The following NBEAL1 variants were observed in gnomAD, a reference collection of about 807,000 sequenced individuals.
The protein encoded by NBEAL1 is neurobeachin-like protein 1.
A neutral mutation model predicts 351.3 loss-of-function variants in NBEAL1; 273 were observed. The observed-to-expected ratio is 0.78, with a 90% CI of 0.70 to 0.86. The LOEUF is 0.86. Ranked by LOEUF, NBEAL1 falls within the 40% of genes least tolerant of loss-of-function variation. The pLI, the probability that NBEAL1 is intolerant of heterozygous loss-of-function variation, is 0.00. For missense variants in NBEAL1, 2,961 were observed against 3,201.3 expected, an observed-to-expected ratio of 0.92 and a Z score of 1.81; for synonymous variants, 1,050 against 1,086.4, an observed-to-expected ratio of 0.97 and a Z score of 0.66.
At chr2:203,212,665 C>T (rs1451987643) in intron 54 of NBEAL1, among the ~76,000 whole-genome samples, 1 of 148,756 alleles carries the variant, frequency 6.7e-6, no homozygotes, top group African/African-American at 2.5e-5. Context: ...CTGTTGTGAA[C>T]AGTTTAAGAG....
intron 27 of NBEAL1, among the ~76,000 whole-genome samples, chr2:203,134,600 C>A (rs1023804660): frequency 2.0e-5 from 3 of 152,130 alleles, no homozygotes; most frequent in African/African-American, 7.2e-5. Flanking sequence ...AGCTAGAGTT[C>A]TTTTCATCTA....
At chr2:203,132,596 C>T (rs2063099226) in intron 26 of NBEAL1, among the ~76,000 whole-genome samples, 1 of 152,168 alleles carries the variant, frequency 6.6e-6, no homozygotes, top group Non-Finnish European at 1.5e-5. Context: ...TAGCCTCATA[C>T]TGGATGCAAG....
At chr2:203,067,743 A>G (rs560022081) in intron 6 of NBEAL1, among the ~76,000 whole-genome samples, 6 of 152,342 alleles carry the variant, frequency 3.9e-5, no homozygotes, top group Non-Finnish European at 7.3e-5. Context: ...TGGAAGTATC[A>G]TCATAACACT....
chr2:203,096,880 C>T (rs1175321448), intron 10 of NBEAL1, among the ~76,000 whole-genome samples: 1 of 152,158 alleles, frequency 6.6e-6, no homozygotes, highest in Non-Finnish European at 1.5e-5. Flanking sequence ...CTGGGTGTTA[C>T]GTACTACGGT....
At chr2:203,207,084 T>G (rs371054935) in intron 51 of NBEAL1, among the ~76,000 whole-genome samples, 2 of 141,308 alleles carry the variant, frequency 1.4e-5, no homozygotes, top group Non-Finnish European at 3.1e-5. Context: ...CCGTCCGGGA[T>G]GTGAGGAGCG....
At chr2:203,074,229 T>C (rs1484353529) in intron 7 of NBEAL1, among the ~76,000 whole-genome samples, 2 of 152,004 alleles carry the variant, frequency 1.3e-5, no homozygotes, top group East Asian at 3.8e-4. Flanking sequence ...ATTTGTCAAT[T>C]AAAAAAGATT....
intron 2 of NBEAL1, among the ~76,000 whole-genome samples, chr2:203,031,083 T>G (rs527491003): frequency 5.9e-5 from 9 of 152,368 alleles, no homozygotes; most frequent in Admixed American, 5.2e-4. Context: ...GCAGTTAAAC[T>G]GCAGATTTAT....
chr2:203,053,033 C>A (rs1329439803), intron 4 of NBEAL1, among the ~76,000 whole-genome samples: 1 of 152,158 alleles, frequency 6.6e-6, no homozygotes, highest in Non-Finnish European at 1.5e-5. Context: ...AATAAAGCTG[C>A]TAAAAACATC....
At chr2:203,038,453 A>G (rs1430749781) in intron 2 of NBEAL1, among the ~76,000 whole-genome samples, 1 of 149,128 alleles carries the variant, frequency 6.7e-6, no homozygotes. Flanking sequence ...CTGGATAACT[A>G]ATGATATTGA....
intron 2 of NBEAL1, among the ~76,000 whole-genome samples, chr2:203,018,518 C>G (rs954595592): frequency 1.3e-5 from 2 of 152,048 alleles, no homozygotes; most frequent in African/African-American, 4.8e-5. Context: ...AGGGAGAATG[C>G]TTATCTAACT....
intron 6 of NBEAL1, among the ~76,000 whole-genome samples, chr2:203,060,847 G>A (rs1461083410): frequency 2.0e-5 from 3 of 152,190 alleles, no homozygotes; most frequent in Admixed American, 2.0e-4. Context: ...TGAAGTAATT[G>A]TTAAATTTGA....
intron 2 of NBEAL1, among the ~76,000 whole-genome samples, chr2:203,025,731 G>C (rs1429858248): frequency 1.3e-5 from 2 of 152,174 alleles, no homozygotes; most frequent in Non-Finnish European, 2.9e-5. Flanking sequence ...TGTGAACTCA[G>C]AGGACACTTG....
At chr2:203,051,313 G>T (rs1361689735) in intron 4 of NBEAL1, among the ~76,000 whole-genome samples, 1 of 152,090 alleles carries the variant, frequency 6.6e-6, no homozygotes, top group Non-Finnish European at 1.5e-5. Context: ...GAAGGCCGAG[G>T]AGGTGGATCG....
chr2:203,104,576 C>T (rs1041724574), intron 12 of NBEAL1, among the ~76,000 whole-genome samples: 1 of 152,138 alleles, frequency 6.6e-6, no homozygotes, highest in African/African-American at 2.4e-5. Context: ...TTTGATCCTA[C>T]TGCCATATTA....
Position 203,049,845 on chromosome 2 carries a change from C to T in NBEAL1, c.175C>T (p.Leu59Phe). ...VDDMPPGISL[L>F]PDNILQVLRI... ...TGATATGCCTCCAGGAATATCTCTGCTTCCTGATAATATTCTGCAGGTTCT... is the reference window on the plus strand; with the variant it reads ...TGATATGCCTCCAGGAATATCTCTGTTTCCTGATAATATTCTGCAGGTTCT... Residue 59 changes from leucine (L) to phenylalanine (F), a missense_variant, in exon 4 of 56, where the codon CTT becomes TTT. Physicochemically the swap from Leu to Phe is conservative, Grantham distance 22. Coordinates refer to ENST00000683969, the MANE Select transcript of NBEAL1 (RefSeq NM_001378026.1). 1 of 1,553,654 alleles carries T rather than the reference C, an allele frequency of 6.4e-7. No individual in the cohort carries two copies. The highest frequency in any genetic ancestry group is 8.7e-7 in the Non-Finnish European group (1 of 1,146,922).
Position 203,188,543 on chromosome 2 carries a change from A to G in NBEAL1, c.6777A>G (p.Pro2259=). The G allele has an allele frequency of 6.2e-7, 1 of 1,610,170 alleles. No individual in the cohort carries two copies. The highest frequency in any genetic ancestry group is 8.5e-7 in the Non-Finnish European group (1 of 1,178,268). Residue 2259 remains proline, a synonymous_variant, in exon 45 of 56, where the codon CCA becomes CCG. Transcript: ENST00000683969. ...DLIFGYKQRG[P]AAVEALNVFY... Reference sequence around the variant, plus strand: ...TCTTTGGCTATAAACAGAGGGGACCAGCTGCAGTAGAGGCACTCAACGTTT... The same window carrying G: ...TCTTTGGCTATAAACAGAGGGGACCGGCTGCAGTAGAGGCACTCAACGTTT...
intron 51 of NBEAL1, among the ~76,000 whole-genome samples, chr2:203,206,860 G>C (rs1337263736): frequency 6.6e-6 from 1 of 150,470 alleles, no homozygotes; most frequent in African/African-American, 2.4e-5. Flanking sequence ...GAAGTGAGGA[G>C]GGTCTCTGCC....
At chr2:203,211,165 G>A in intron 54 of NBEAL1, 59 bp downstream of exon 54, 1 of 1,207,294 alleles carries the variant, frequency 8.3e-7, no homozygotes, top group Non-Finnish European at 1.1e-6. Flanking sequence ...TTCTAGTCTA[G>A]AGTGAAAATC....
intron 2 of NBEAL1, among the ~76,000 whole-genome samples, chr2:203,027,642 G>C (rs1397240718): frequency 6.6e-6 from 1 of 152,096 alleles, no homozygotes. Context: ...ATTTTTGTCT[G>C]TTCAAAATAC....
Sources: gnomAD v4.1 joint callset for allele counts (sites outside exome capture counted in the v4.1 genomes callset) on GRCh38, gnomAD v4.1.1 for gene constraint, MANE v1.5 for transcripts, NCBI Gene and HGNC (gene_info 2026-07-23, HGNC 2026-07-21) for gene names.